The following TMEM39B variants were observed in gnomAD, a reference collection of about 807,000 sequenced individuals.
TMEM39B encodes the protein transmembrane protein 39B.
Under a neutral mutation model 52.2 loss-of-function variants are expected in TMEM39B, and 23 were observed. The ratio of observed to expected loss-of-function variants is 0.44; its 90% CI spans 0.32 to 0.62. The LOEUF is 0.62. Among genes scored for constraint, TMEM39B ranks in the 20% least tolerant of loss-of-function variants. The pLI is 0.06. For missense variants in TMEM39B, 547 were observed against 642.0 expected (o/e 0.85, Z 1.60); for synonymous variants, 285 against 264.0 (o/e 1.08, Z -0.77).
chr1:32,100,482 A>G lies in TMEM39B; in HGVS notation c.1156A>G (p.Lys386Glu). ...CATGTGGCCGCAGGGCGTGCTGGTG[A>G]AGCACAGCAAGAACGTCTACAAAGC... ...ECMWPQGVLVKHSKNVYKAVG... is the reference protein window; with the variant it reads ...ECMWPQGVLVEHSKNVYKAVG... The change falls in exon 8 of 9, where the codon AAG (lysine) becomes GAG (glutamate). Residue 386 changes from lysine to glutamate, a missense_variant. Physicochemically the swap from Lys to Glu is moderately conservative, Grantham distance 56 (BLOSUM62 1). Transcript: ENST00000336294. 1 of 1,611,958 alleles carries G rather than the reference A, an allele frequency of 6.2e-7. No individual in the cohort carries two copies. The highest frequency in any genetic ancestry group is 8.5e-7 in the Non-Finnish European group (1 of 1,178,870).
At chr1:32,073,708 G>A in intron 1 of TMEM39B, 1 of 985,370 alleles carries the variant, frequency 1.0e-6, no homozygotes, top group Non-Finnish European at 1.2e-6. Context: ...GGTTTATGGA[G>A]GGCAGAGCTC....
chr1:32,080,273 A>C (rs1640038912), intron 5 of TMEM39B, among the ~76,000 whole-genome samples: 2 of 152,176 alleles, frequency 1.3e-5, no homozygotes, highest in Non-Finnish European at 2.9e-5. Flanking sequence ...TCTGCACAGT[A>C]GATTCCCAGA....
intron 5 of TMEM39B, among the ~76,000 whole-genome samples, chr1:32,080,892 C>T (rs540742798): frequency 3.9e-5 from 6 of 151,974 alleles, no homozygotes; most frequent in African/African-American, 1.2e-4. Context: ...TTGCTGGGCA[C>T]GGTAGCTCAT....
chr1:32,101,834 A>T (rs897516670), intron 8 of TMEM39B, among the ~76,000 whole-genome samples: 1 of 152,086 alleles, frequency 6.6e-6, no homozygotes, highest in Non-Finnish European at 1.5e-5. Context: ...TTTTGAACTC[A>T]TCAGAGATTT....
intron 5 of TMEM39B, among the ~76,000 whole-genome samples, chr1:32,084,106 A>G (rs1375189779): frequency 6.6e-6 from 1 of 152,206 alleles, no homozygotes; most frequent in Non-Finnish European, 1.5e-5. Flanking sequence ...TGTTTACACC[A>G]TAGCTTTCTT....
chr1:32,076,966 T>C lies in TMEM39B; in HGVS notation c.435+120T>C. On this transcript the variant is annotated intron_variant, in intron 4 of 8. Coordinates refer to ENST00000336294, the MANE Select transcript of TMEM39B (RefSeq NM_018056.4). ...ATTTCCTTGGGGCTCCCTTTGGACTTGGTTGAAGAACATTAGTTACATCCC... is the reference window on the plus strand; with the variant it reads ...ATTTCCTTGGGGCTCCCTTTGGACTCGGTTGAAGAACATTAGTTACATCCC... 3.0e-6 allele frequency: 4 copies of C among 1,329,592 alleles called. No individual in the cohort carries two copies. The South Asian group carries it at 4.9e-5, about 16-fold the overall frequency. 82.4% of individuals were successfully genotyped at this position (1,329,592 alleles called of 1,614,324 possible).
chr1:32,093,733 G>T (rs924090046), intron 6 of TMEM39B, among the ~76,000 whole-genome samples: 8 of 150,676 alleles, frequency 5.3e-5, no homozygotes, highest in Admixed American at 1.3e-4. Flanking sequence ...TTGAGCACCT[G>T]TAACACGCCT....
At chr1:32,098,664 C>T (rs565650441) in intron 7 of TMEM39B, among the ~76,000 whole-genome samples, 8 of 152,024 alleles carry the variant, frequency 5.3e-5, no homozygotes, top group Admixed American at 1.3e-4. Context: ...ACCTAGGAGG[C>T]GGAGCTTGCA....
At chr1:32,074,131 T>C (rs139731643) in intron 1 of TMEM39B, among the ~76,000 whole-genome samples, 50 of 152,196 alleles carry the variant, frequency 3.3e-4, no homozygotes, top group Non-Finnish European at 2.9e-4. Context: ...GCTAGACTGC[T>C]CAGCCTAGTA....
At chr1:32,099,518 G>A (rs1444071961) in intron 7 of TMEM39B, among the ~76,000 whole-genome samples, 1 of 152,154 alleles carries the variant, frequency 6.6e-6, no homozygotes, top group African/African-American at 2.4e-5. Context: ...AGGCTTTGTG[G>A]AGGAACCTGG....
chr1:32,088,289 C>A (rs1393616227), intron 5 of TMEM39B, among the ~76,000 whole-genome samples: 4 of 149,754 alleles, frequency 2.7e-5, no homozygotes, highest in Non-Finnish European at 4.5e-5. Context: ...TAGTGGCGGG[C>A]GCCTGTAGTC....
Position 32,079,772 on chromosome 1 carries a change from A to AT in TMEM39B, c.590+2467dup, listed in dbSNP as rs576489453. Among the ~76,000 whole-genome samples the AT allele has an allele frequency of 1.8e-3, 257 of 141,626 alleles. 1 individual carries two copies. The highest frequency in any genetic ancestry group is 1.9e-3 in the Non-Finnish European group (123 of 64,350). The allele number at this position is 141,626 out of a possible 152,430, so 92.9% of individuals were successfully genotyped here. ...ACAATTTATTTGTCTTCTATTGGCA[A>AT]TTTTTTTTTTTTTCTGAGATGGAGT... On this transcript the variant is annotated intron_variant, in intron 5 of 8. Coordinates refer to ENST00000336294, the MANE Select transcript of TMEM39B (RefSeq NM_018056.4).
chr1:32,080,619 A>G (rs1442572139), intron 5 of TMEM39B, among the ~76,000 whole-genome samples: 1 of 149,800 alleles, frequency 6.7e-6, no homozygotes. Flanking sequence ...GTGAGCCAAG[A>G]TCGCACCACT....
intron 1 of TMEM39B, 161 bp downstream of exon 1, chr1:32,073,212 G>A: frequency 1.1e-6 from 1 of 883,714 alleles, no homozygotes. Flanking sequence ...GTTTTGCGGG[G>A]TGGGGCCTCT....
At chr1:32,091,397 G>T (rs2124478397) in intron 5 of TMEM39B, among the ~76,000 whole-genome samples, 1 of 152,330 alleles carries the variant, frequency 6.6e-6, no homozygotes, top group East Asian at 1.9e-4. Flanking sequence ...TCATCCCTAG[G>T]CTGCGAGTGC....
rs952105162 is a variant in TMEM39B, at chr1:32,073,026, C to T, written c.-22C>T. The T allele has an allele frequency of 1.2e-5, 19 of 1,527,920 alleles. No homozygotes were observed. The highest frequency in any genetic ancestry group is 1.7e-5 in the Non-Finnish European group (19 of 1,135,984). 94.6% of individuals were successfully genotyped at this position (1,527,920 alleles called of 1,614,324 possible). A position where few individuals can be genotyped will look rare whatever the true frequency, so the allele number is the denominator to read the frequency against. On this transcript the variant is annotated 5_prime_UTR_variant, in exon 1 of 9. Transcript: ENST00000336294. ...GCCCGCAGGAGCTGCGGCGGCGAAGCGGAGAGCACCGGGGGGAGGAGATGG... is the reference window on the plus strand; with the variant it reads ...GCCCGCAGGAGCTGCGGCGGCGAAGTGGAGAGCACCGGGGGGAGGAGATGG...
chr1:32,076,862 A>G lies in TMEM39B; in HGVS notation c.435+16A>G. 2 of 1,613,634 alleles carry G rather than the reference A, an allele frequency of 1.2e-6. No homozygotes were observed. The highest frequency in any genetic ancestry group is 1.7e-6 in the Non-Finnish European group (2 of 1,179,688). On this transcript the variant is annotated intron_variant, in intron 4 of 8. Transcript: ENST00000336294. ...CGTGAAGGAGGTGATTGGGTCCTAG[A>G]GGCTGGCCAGGGACTTTGGGATTCC...
In TMEM39B at chr1:32,086,426, T is replaced by C. The variant is rs1458077211; in HGVS notation, c.591-5249T>C. ...TAGGGTAGTCTGAGTTGAGATGTGC[T>C]CTAAGTGTAAAATACACACCGATTC... On this transcript the variant is annotated intron_variant, in intron 5 of 8. Coordinates refer to ENST00000336294, the MANE Select transcript of TMEM39B (RefSeq NM_018056.4). 2.0e-5 allele frequency among the ~76,000 whole-genome samples: 3 copies of C among 152,130 alleles called. No individual in the cohort carries two copies. The East Asian group carries it at 5.8e-4, about 29-fold the overall frequency.
At chr1:32,076,983 T>C in intron 4 of TMEM39B, 137 bp downstream of exon 4, 1 of 1,268,448 alleles carries the variant, frequency 7.9e-7, no homozygotes, top group Non-Finnish European at 1.1e-6. Context: ...AGAACATTAG[T>C]TACATCCCAT....
Sources: allele counts gnomAD v4.1 joint callset (sites outside exome capture counted in the v4.1 genomes callset), GRCh38; gene constraint gnomAD v4.1.1; transcripts MANE v1.5; gene names NCBI Gene and HGNC (gene_info 2026-07-23, HGNC 2026-07-21).